The following MAGI1 variants were observed in gnomAD, a reference collection of about 807,000 sequenced individuals.
The protein encoded by MAGI1 is membrane-associated guanylate kinase, WW and PDZ domain-containing protein 1.
Under a neutral mutation model 139.9 loss-of-function variants are expected in MAGI1, and 58 were observed. The observed-to-expected ratio is 0.41, with a 90% confidence interval of 0.34 to 0.52. MAGI1 has a LOEUF of 0.52. MAGI1 is among the 20% of genes least tolerant of loss of function. MAGI1 has a pLI of 0.12. For synonymous variants in MAGI1, 812 were observed against 737.9 expected, an observed-to-expected ratio of 1.10 and a Z score of -1.63; for missense variants, 1,874 against 1,901.6, an observed-to-expected ratio of 0.99 and a Z score of 0.27.
rs1940126872 is a variant in MAGI1, at chr3:65,354,749, T to A, written c.*1629A>T. On this transcript the variant is annotated 3_prime_UTR_variant, in exon 23 of 23. Coordinates refer to ENST00000402939, the MANE Select transcript of MAGI1 (RefSeq NM_001033057.2). ...TTCAGAAATATAAACACGTATCACA[T>A]TCCTCACAGCTAAATTTTGTCATAA... 1 of 152,654 alleles carries A rather than the reference T, an allele frequency of 6.6e-6. No individual in the cohort carries two copies. The highest frequency in any genetic ancestry group is 2.4e-5 in the African/African-American group (1 of 41,472). 9.5% of individuals were successfully genotyped at this position (152,654 alleles called of 1,614,324 possible).
At chr3:65,799,334 C>T (rs1246327255) in intron 1 of MAGI1, among the ~76,000 whole-genome samples, 1 of 152,042 alleles carries the variant, frequency 6.6e-6, no homozygotes, top group Admixed American at 6.6e-5. Flanking sequence ...ACATGTGGCA[C>T]CAGGAAGCAC....
intron 18 of MAGI1, among the ~76,000 whole-genome samples, chr3:65,373,835 A>G (rs1942234587): frequency 6.6e-6 from 1 of 152,234 alleles, no homozygotes; most frequent in Non-Finnish European, 1.5e-5. Flanking sequence ...ATCATTCAAG[A>G]GGCCAGTGTT....
chr3:65,649,585 T>C (rs775915638), intron 1 of MAGI1, among the ~76,000 whole-genome samples: 7 of 152,172 alleles, frequency 4.6e-5, no homozygotes, highest in Non-Finnish European at 1.0e-4. Context: ...GCAAACTATA[T>C]ATCTAACAAA....
chr3:65,558,843 CT>C (rs2080210402), intron 2 of MAGI1, among the ~76,000 whole-genome samples: 1 of 152,174 alleles, frequency 6.6e-6, no homozygotes, highest in African/African-American at 2.4e-5. Context: ...CCTAAAACCC[CT>C]TCCATTATAA....
intron 1 of MAGI1, among the ~76,000 whole-genome samples, chr3:65,864,312 G>T (rs1172764220): frequency 1.3e-5 from 2 of 152,198 alleles, no homozygotes; most frequent in African/African-American, 2.4e-5. Flanking sequence ...AGGTTGAAAG[G>T]ATCTATGTGG....
At chr3:65,990,762 A>C (rs1029174215) in intron 1 of MAGI1, among the ~76,000 whole-genome samples, 9 of 152,192 alleles carry the variant, frequency 5.9e-5, no homozygotes, top group Non-Finnish European at 1.2e-4. Flanking sequence ...GAAATAAATA[A>C]TGGTAAATCA....
chr3:65,568,703 G>T (rs17354056), intron 2 of MAGI1, among the ~76,000 whole-genome samples: 1 of 152,018 alleles, frequency 6.6e-6, no homozygotes, highest in Admixed American at 6.5e-5. Context: ...TGCCAAGTTT[G>T]CTCTAGGGCT....
At chr3:65,423,658 G>C (rs999473618) in intron 12 of MAGI1, among the ~76,000 whole-genome samples, 11 of 152,186 alleles carry the variant, frequency 7.2e-5, no homozygotes, top group African/African-American at 2.7e-4. Context: ...GCACTGTCTG[G>C]AGCCAGTCTT....
chr3:66,021,645 G>A (rs2067966354), intron 1 of MAGI1, among the ~76,000 whole-genome samples: 1 of 152,124 alleles, frequency 6.6e-6, no homozygotes, highest in Admixed American at 6.5e-5. Flanking sequence ...TGGATTCACA[G>A]AGTCCACACC....
intron 1 of MAGI1, among the ~76,000 whole-genome samples, chr3:65,898,929 AT>A (rs1020947818): frequency 1.3e-5 from 2 of 151,810 alleles, no homozygotes; most frequent in Non-Finnish European, 1.5e-5. Flanking sequence ...ATTTAAAAAA[AT>A]TTTTTTTTGA....
chr3:66,017,585 G>T (rs1182940522), intron 1 of MAGI1, among the ~76,000 whole-genome samples: 1 of 152,218 alleles, frequency 6.6e-6, no homozygotes, highest in African/African-American at 2.4e-5. Flanking sequence ...TCTCAGACAA[G>T]TAACAACTTC....
chr3:65,629,857 C>T (rs997535406), intron 1 of MAGI1, among the ~76,000 whole-genome samples: 1 of 152,006 alleles, frequency 6.6e-6, no homozygotes, highest in Middle Eastern at 3.4e-3. Flanking sequence ...AAATGGATGG[C>T]GGTGACGGAT....
At chr3:65,472,559 G>A (rs1950615915) in intron 4 of MAGI1, among the ~76,000 whole-genome samples, 1 of 152,316 alleles carries the variant, frequency 6.6e-6, no homozygotes, top group East Asian at 1.9e-4. Flanking sequence ...TACTCTACCT[G>A]CTTCTTGGTT....
chr3:65,697,395 A>T (rs1238573443), intron 1 of MAGI1, among the ~76,000 whole-genome samples: 4 of 148,358 alleles, frequency 2.7e-5, no homozygotes, highest in African/African-American at 1.0e-4. Flanking sequence ...TCATTCTGAT[A>T]CCAAAGCCAG....
At chr3:65,524,243 A>G (rs1559636345) in intron 2 of MAGI1, among the ~76,000 whole-genome samples, 1 of 152,196 alleles carries the variant, frequency 6.6e-6, no homozygotes, top group Non-Finnish European at 1.5e-5. Context: ...CCCAGTGGAA[A>G]ATATCTGATG....
At chr3:66,036,052 C>A (rs1223120902) in intron 1 of MAGI1, among the ~76,000 whole-genome samples, 1 of 152,192 alleles carries the variant, frequency 6.6e-6, no homozygotes, top group African/African-American at 2.4e-5. Flanking sequence ...CCTTCCTCCA[C>A]CCTTTCTCCA....
chr3:65,651,775 C>T (rs1279020188), intron 1 of MAGI1, among the ~76,000 whole-genome samples: 2 of 151,782 alleles, frequency 1.3e-5, no homozygotes, highest in Non-Finnish European at 2.9e-5. Flanking sequence ...AACAATGTGC[C>T]CCATTCACCT....
At chr3:65,562,994 G>A (rs1035481904) in intron 2 of MAGI1, among the ~76,000 whole-genome samples, 4 of 151,934 alleles carry the variant, frequency 2.6e-5, no homozygotes, top group African/African-American at 7.3e-5. Flanking sequence ...TTTCTAATTT[G>A]GGCTTATTTG....
At chr3:65,676,548 C>A (rs1293270306) in intron 1 of MAGI1, among the ~76,000 whole-genome samples, 1 of 152,058 alleles carries the variant, frequency 6.6e-6, no homozygotes, top group African/African-American at 2.4e-5. Flanking sequence ...CAGAATTGGA[C>A]CAGGCCAGAA....
Sources: allele counts gnomAD v4.1 joint callset (sites outside exome capture counted in the v4.1 genomes callset), GRCh38; gene constraint gnomAD v4.1.1; transcripts MANE v1.5; gene names NCBI Gene and HGNC (gene_info 2026-07-23, HGNC 2026-07-21).